XPR1: variants seen among roughly 807,000 people sequenced by gnomAD.
The protein encoded by XPR1 is xenotropic and polytropic retrovirus receptor 1, also known as solute carrier family 53 member 1.
A neutral mutation model predicts 87.5 loss-of-function variants in XPR1; 28 were observed. The ratio of observed to expected loss-of-function variants is 0.32; its 90% CI spans 0.24 to 0.44. The LOEUF (loss-of-function observed/expected upper bound fraction) is 0.44. Among genes scored for constraint, XPR1 ranks in the 20% least tolerant of loss-of-function variants. The pLI is 1.00. For synonymous variants in XPR1, 300 were observed against 306.1 expected (o/e 0.98, Z 0.21); for missense variants, 559 against 862.3 (o/e 0.65, Z 4.41).
chr1:180,771,474 T>TG (rs1648510185), intron 2 of XPR1, among the ~76,000 whole-genome samples: 1 of 152,168 alleles, frequency 6.6e-6, no homozygotes, highest in Non-Finnish European at 1.5e-5. Context: ...ATTAACATGT[T>TG]GGTATAGTAT....
chr1:180,681,713 G>C (rs530770128), intron 1 of XPR1, among the ~76,000 whole-genome samples: 1 of 152,012 alleles, frequency 6.6e-6, no homozygotes, highest in Non-Finnish European at 1.5e-5. Flanking sequence ...TCTCTCCCAG[G>C]CTGGGGTGTG....
intron 11 of XPR1, among the ~76,000 whole-genome samples, chr1:180,839,165 G>T (rs1651413827): frequency 6.6e-6 from 1 of 152,080 alleles, no homozygotes. Context: ...CCAATTCTGA[G>T]TTATTTGTTC....
chr1:180,795,726 A>T (rs1011317724), intron 3 of XPR1, among the ~76,000 whole-genome samples: 1 of 152,226 alleles, frequency 6.6e-6, no homozygotes, highest in Admixed American at 6.5e-5. Flanking sequence ...TTTGGTCTTG[A>T]GGATAAGACA....
intron 2 of XPR1, among the ~76,000 whole-genome samples, chr1:180,768,628 A>C (rs749208261): frequency 6.6e-6 from 1 of 152,198 alleles, no homozygotes; most frequent in Non-Finnish European, 1.5e-5. Context: ...AGGGCTAGTG[A>C]GTCTGAGGAG....
intron 2 of XPR1, among the ~76,000 whole-genome samples, chr1:180,746,993 T>G (rs1460799193): frequency 1.3e-5 from 2 of 152,224 alleles, no homozygotes; most frequent in Non-Finnish European, 2.9e-5. Context: ...TTATGGTTAA[T>G]ATTTCAAATT....
chr1:180,742,366 T>G (rs757727149), intron 2 of XPR1, among the ~76,000 whole-genome samples: 11 of 152,306 alleles, frequency 7.2e-5, no homozygotes, highest in African/African-American at 1.2e-4. Context: ...CTGATTTCCC[T>G]TGATATTCCT....
intron 2 of XPR1, among the ~76,000 whole-genome samples, chr1:180,753,043 A>G (rs1328126516): frequency 6.6e-6 from 1 of 152,218 alleles, no homozygotes; most frequent in Non-Finnish European, 1.5e-5. Flanking sequence ...TGTAGAAAGA[A>G]CATTGTGTTG....
At chr1:180,791,422 C>T (rs1649374748) in intron 3 of XPR1, among the ~76,000 whole-genome samples, 1 of 152,182 alleles carries the variant, frequency 6.6e-6, no homozygotes, top group Admixed American at 6.5e-5. Context: ...CAGGCATGCA[C>T]CACCACACCT....
intron 7 of XPR1, among the ~76,000 whole-genome samples, chr1:180,819,651 A>G (rs1035444162): frequency 2.0e-5 from 3 of 152,224 alleles, no homozygotes; most frequent in African/African-American, 7.2e-5. Flanking sequence ...GGCCACAGAT[A>G]TTAACTAGAC....
chr1:180,849,341 T>C (rs1651793212), intron 11 of XPR1, among the ~76,000 whole-genome samples: 1 of 152,238 alleles, frequency 6.6e-6, no homozygotes, highest in South Asian at 2.1e-4. Flanking sequence ...CATTCCTTTT[T>C]TTAACTCTAA....
intron 2 of XPR1, among the ~76,000 whole-genome samples, chr1:180,772,487 G>C (rs1649492983): frequency 2.0e-5 from 3 of 152,144 alleles, no homozygotes; most frequent in Admixed American, 1.3e-4. Context: ...GTGTGTGTCT[G>C]TCTGTCTGTC....
At chr1:180,813,798 T>G (rs1350315813) in intron 7 of XPR1, among the ~76,000 whole-genome samples, 1 of 152,174 alleles carries the variant, frequency 6.6e-6, no homozygotes, top group Non-Finnish European at 1.5e-5. Context: ...AAGGGCTAAA[T>G]TTTGTTCAGT....
chr1:180,826,617 T>C (rs539319263), intron 9 of XPR1, among the ~76,000 whole-genome samples: 2 of 152,292 alleles, frequency 1.3e-5, no homozygotes, highest in Admixed American at 1.3e-4. Context: ...TGATTATTTC[T>C]TAGGTTATGA....
intron 2 of XPR1, among the ~76,000 whole-genome samples, chr1:180,699,414 T>TC (rs1208301203): frequency 8.7e-6 from 1 of 114,554 alleles, no homozygotes; most frequent in Non-Finnish European, 1.8e-5. Flanking sequence ...CCTTCCTGTG[T>TC]CCAAGTGATC....
chr1:180,874,788 C>T (rs1652609285), intron 13 of XPR1, among the ~76,000 whole-genome samples: 1 of 152,140 alleles, frequency 6.6e-6, no homozygotes, highest in Non-Finnish European at 1.5e-5. Context: ...AGCACTAACA[C>T]TACCTTTGCA....
chr1:180,697,079 T>A (rs2101965599), intron 2 of XPR1, among the ~76,000 whole-genome samples: 1 of 152,266 alleles, frequency 6.6e-6, no homozygotes, highest in African/African-American at 2.4e-5. Flanking sequence ...ACAGGTTTGG[T>A]AGGATTCAGC....
chr1:180,837,067 AT>A (rs1335696061), intron 11 of XPR1, among the ~76,000 whole-genome samples: 1 of 152,170 alleles, frequency 6.6e-6, no homozygotes, highest in Admixed American at 6.5e-5. Flanking sequence ...GTGAAAAAAA[AT>A]TCCCTGTGGC....
At chr1:180,685,240 T>A (rs1331194203) in intron 2 of XPR1, among the ~76,000 whole-genome samples, 1 of 152,258 alleles carries the variant, frequency 6.6e-6, no homozygotes, top group African/African-American at 2.4e-5. Context: ...TCTATTGAGA[T>A]AATCATGTGA....
At chr1:180,727,431 G>T (rs988792097) in intron 2 of XPR1, among the ~76,000 whole-genome samples, 2 of 152,106 alleles carry the variant, frequency 1.3e-5, no homozygotes, top group Non-Finnish European at 2.9e-5. Context: ...ATCACCTGAG[G>T]TCAGGAGTTC....
Sources: gnomAD v4.1 joint callset for allele counts (sites outside exome capture counted in the v4.1 genomes callset) on GRCh38, gnomAD v4.1.1 for gene constraint, MANE v1.5 for transcripts, NCBI Gene and HGNC (gene_info 2026-07-23, HGNC 2026-07-21) for gene names.